The following COL24A1 variants were observed in gnomAD, a reference collection of about 807,000 sequenced individuals.
COL24A1 encodes the protein collagen alpha-1(XXIV) chain.
Under a neutral mutation model 253.9 loss-of-function variants are expected in COL24A1, and 224 were observed. The ratio of observed to expected loss-of-function variants is 0.88; its 90% CI spans 0.79 to 0.99. The LOEUF is 0.99. COL24A1 is among the 50% of genes least tolerant of loss of function. The pLI, the probability that COL24A1 is intolerant of heterozygous loss-of-function variation, is 0.00. For missense variants in COL24A1, 2,131 were observed against 2,068.5 expected (o/e 1.03, Z -0.59); for synonymous variants, 685 against 673.7 (o/e 1.02, Z -0.26).
chr1:85,862,242 A>G (rs1305174896), intron 37 of COL24A1, among the ~76,000 whole-genome samples: 1 of 152,144 alleles, frequency 6.6e-6, no homozygotes, highest in African/African-American at 2.4e-5. Flanking sequence ...CTTGTTCCCC[A>G]CTGTATCCCT....
At chr1:85,787,441 C>A (rs1669802723) in intron 47 of COL24A1, among the ~76,000 whole-genome samples, 1 of 152,076 alleles carries the variant, frequency 6.6e-6, no homozygotes, top group Admixed American at 6.6e-5. Flanking sequence ...TGTTCAGCTC[C>A]CACTTATAAG....
At position 86,063,775 on chromosome 1, in the gene COL24A1, TG is replaced by T; in HGVS notation, c.1708-17del. On this transcript the variant is annotated splice_polypyrimidine_tract_variant and intron_variant, in intron 7 of 59. Coordinates refer to ENST00000370571, the MANE Select transcript of COL24A1 (RefSeq NM_152890.7). ...CTTTGAGACCCTGTAAAAGAATAAG[TG>T]GAGACATGCTATGAAAAGTAAACTC... 6.6e-7 allele frequency: 1 copy of T among 1,515,972 alleles called. No homozygotes were observed. The highest frequency in any genetic ancestry group is 1.4e-5 in the African/African-American group (1 of 71,712). The allele number at this position is 1,515,972 out of a possible 1,614,324, so 93.9% of individuals were successfully genotyped here.
intron 53 of COL24A1, among the ~76,000 whole-genome samples, chr1:85,772,050 T>C (rs1189451240): frequency 1.4e-5 from 2 of 145,098 alleles, no homozygotes; most frequent in Admixed American, 1.4e-4. Flanking sequence ...ATATGTGGTG[T>C]TTGGTTTTTT....
rs928293523 is a variant in COL24A1 at position 85,871,252 on chromosome 1, G to A, written c.3139-2417C>T. 4.1e-4 allele frequency among the ~76,000 whole-genome samples: 63 copies of A among 152,156 alleles called. 1 individual carries two copies. The highest frequency in any genetic ancestry group is 1.5e-3 in the African/African-American group (61 of 41,512). On this transcript the variant is annotated intron_variant, in intron 35 of 59. Coordinates refer to ENST00000370571, the MANE Select transcript of COL24A1 (RefSeq NM_152890.7). ...TCCAGGACCAGATGGATTCACAGCC[G>A]AATTCTACCAGAGGTGCAAGGAGGA...
chr1:85,734,197 C>T (rs897260868), intron 59 of COL24A1, among the ~76,000 whole-genome samples: 3 of 152,132 alleles, frequency 2.0e-5, no homozygotes, highest in Non-Finnish European at 2.9e-5. Flanking sequence ...GCCACCATGC[C>T]TGGCCCCACT....
At position 85,908,583 on chromosome 1, in the gene COL24A1, CT is replaced by C; in HGVS notation, c.2724+14del. ...AACATTCCGGAAGGAATCATAAAGT[CT>C]TTCCTGTACTTACAGGTAATCCCAA... On this transcript the variant is annotated intron_variant, in intron 27 of 59. Coordinates refer to ENST00000370571, the MANE Select transcript of COL24A1 (RefSeq NM_152890.7). 7.2e-7 allele frequency: 1 copy of C among 1,387,046 alleles called. No individual in the cohort carries two copies. Among genetic ancestry groups the C allele is most frequent in the Non-Finnish European group, 9.8e-7 (1 of 1,025,246 alleles). The allele number at this position is 1,387,046 out of a possible 1,614,324, so 85.9% of individuals were successfully genotyped here.
chr1:85,996,228 T>A (rs774709244), intron 19 of COL24A1, among the ~76,000 whole-genome samples: 2 of 152,184 alleles, frequency 1.3e-5, no homozygotes, highest in Non-Finnish European at 2.9e-5. Flanking sequence ...AAATTATTTA[T>A]TGAACTTGTC....
At chr1:85,896,564 G>A (rs142793664) in intron 28 of COL24A1, among the ~76,000 whole-genome samples, 155 bp from the exon 29 acceptor site, 2 of 151,242 alleles carry the variant, frequency 1.3e-5, no homozygotes, top group African/African-American at 2.4e-5. Context: ...GGCGCGTCTC[G>A]GCTCACTGCA....
intron 47 of COL24A1, among the ~76,000 whole-genome samples, chr1:85,794,426 T>C (rs1369552647): frequency 6.6e-6 from 1 of 152,178 alleles, no homozygotes; most frequent in African/African-American, 2.4e-5. Context: ...ACAAAACTTG[T>C]CATTAGGGTT....
Position 85,908,591 on chromosome 1 carries a change from T to C in COL24A1, c.2724+7A>G. 1 of 1,437,744 alleles carries C rather than the reference T, an allele frequency of 7.0e-7. No homozygotes were observed. The highest frequency in any genetic ancestry group is 9.4e-7 in the Non-Finnish European group (1 of 1,064,356). 89.1% of individuals were successfully genotyped at this position (1,437,744 alleles called of 1,614,324 possible). ...GGAAGGAATCATAAAGTCTTTCCTG[T>C]ACTTACAGGTAATCCCAATGGACCG... On this transcript the variant is annotated splice_region_variant and intron_variant, in intron 27 of 59. Coordinates refer to ENST00000370571, the MANE Select transcript of COL24A1 (RefSeq NM_152890.7).
chr1:85,976,817 A>C (rs78989463), intron 20 of COL24A1, among the ~76,000 whole-genome samples: 8,917 of 152,100 alleles, frequency 0.059, 570 homozygotes, highest in Admixed American at 0.2. Context: ...AAATAACCCT[A>C]CTCCAAGGAA....
intron 1 of COL24A1, chr1:86,155,316 T>C (rs1008958746): frequency 2.0e-5 from 3 of 152,528 alleles, no homozygotes; most frequent in African/African-American, 7.2e-5. Context: ...CAAGGCGCTC[T>C]TTCTCCGCAC....
rs566516989 is a variant in COL24A1 at position 85,744,711 on chromosome 1, G to A, written c.4627C>T (p.Arg1543Ter). The change falls in exon 57 of 60, where the codon CGA (arginine) becomes TGA (stop). Residue 1543 changes from arginine (R) to a stop codon, truncating the protein, a stop_gained. Transcript: ENST00000370571. LOFTEE classifies it high-confidence loss of function. ...CAGTTAAGTAAATCTTTGCAGATTCGTGCTGGGTTATCTCGTGTGCCAAGA... is the reference window on the plus strand; with the variant it reads ...CAGTTAAGTAAATCTTTGCAGATTCATGCTGGGTTATCTCGTGTGCCAAGA... ...NPLGTRDNPA[R>*]ICKDLLNCEQ... The A allele has an allele frequency of 4.5e-5, 73 of 1,609,518 alleles. No homozygotes were observed. The Admixed American group carries it at 4.9e-4, about 11-fold the overall frequency.
At chr1:85,932,720 A>T (rs1004250980) in intron 24 of COL24A1, among the ~76,000 whole-genome samples, 3 of 110,076 alleles carry the variant, frequency 2.7e-5, no homozygotes, top group African/African-American at 1.1e-4. Context: ...GGATTAAGAA[A>T]ATGTGGCACA....
chr1:85,837,188 C>T (rs1676092648), intron 43 of COL24A1, among the ~76,000 whole-genome samples: 1 of 152,068 alleles, frequency 6.6e-6, no homozygotes, highest in Non-Finnish European at 1.5e-5. Context: ...TTAGGAAACA[C>T]TTGTAGATAC....
At position 85,874,651 on chromosome 1, in the gene COL24A1, G is replaced by A. The variant is rs538248306; in HGVS notation, c.3136C>T (p.Arg1046Trp). 1.5e-5 allele frequency: 24 copies of A among 1,612,330 alleles called. No individual in the cohort carries two copies. The highest frequency in any genetic ancestry group is 2.7e-5 in the African/African-American group (2 of 74,984). The change falls in exon 35 of 60, where the codon CGG becomes TGG. Residue 1046 changes from arginine (R) to tryptophan (W), a missense_variant and splice_region_variant. Arg to Trp is a moderately radical substitution (Grantham distance 101). Transcript: ENST00000370571. ...AAGAGTTTCAAGGGGGCACTCACCC[G>A]TAAACCTGGTTCCCCAGTTCCTCCA... ...SVGGTGEPGL[R>W]GEPGAPGEEG...
At chr1:85,878,303 A>T (rs951152683) in intron 32 of COL24A1, among the ~76,000 whole-genome samples, 1 of 152,190 alleles carries the variant, frequency 6.6e-6, no homozygotes, top group Non-Finnish European at 1.5e-5. Context: ...GGTGCCTTCT[A>T]GTTGTGTCCT....
intron 26 of COL24A1, among the ~76,000 whole-genome samples, 196 bp downstream of exon 26, chr1:85,909,754 C>T (rs1394760943): frequency 1.3e-5 from 2 of 151,860 alleles, no homozygotes; most frequent in African/African-American, 2.4e-5. Flanking sequence ...TTTGACTAAG[C>T]CATCTCATTT....
At chr1:85,790,794 T>C (rs1670196107) in intron 47 of COL24A1, among the ~76,000 whole-genome samples, 1 of 152,212 alleles carries the variant, frequency 6.6e-6, no homozygotes, top group Non-Finnish European at 1.5e-5. Context: ...TACTATGTAA[T>C]ATTACTATAG....
Sources: allele counts gnomAD v4.1 joint callset (sites outside exome capture counted in the v4.1 genomes callset), GRCh38; gene constraint gnomAD v4.1.1; transcripts MANE v1.5; gene names NCBI Gene and HGNC (gene_info 2026-07-23, HGNC 2026-07-21).